Variants in SNCAIP observed in about 807,000 individuals in gnomAD.
SNCAIP encodes synuclein alpha interacting protein.
SNCAIP carries 43 observed loss-of-function variants against 86.7 expected under a neutral mutation model. The ratio of observed to expected loss-of-function variants is 0.50; its 90% CI spans 0.39 to 0.64. The LOEUF (loss-of-function observed/expected upper bound fraction) is 0.64. Among genes scored for constraint, SNCAIP ranks in the 30% least tolerant of loss-of-function variants. The pLI is 0.00. For synonymous variants in SNCAIP, 417 were observed against 427.2 expected, an observed-to-expected ratio of 0.98 and a Z score of 0.29; for missense variants, 981 against 1,103.1, an observed-to-expected ratio of 0.89 and a Z score of 1.57.
At chr5:122,355,812 CTG>C (rs1343326045) in intron 1 of SNCAIP, among the ~76,000 whole-genome samples, 1 of 152,134 alleles carries the variant, frequency 6.6e-6, no homozygotes, top group African/African-American at 2.4e-5. Flanking sequence ...AGTGACAACA[CTG>C]TATCTGTGAA....
intron 1 of SNCAIP, among the ~76,000 whole-genome samples, chr5:122,352,137 C>T (rs983028214): frequency 6.6e-6 from 1 of 152,038 alleles, no homozygotes; most frequent in Non-Finnish European, 1.5e-5. Flanking sequence ...GTTTCTGCTC[C>T]CCTTATCAGA....
intron 1 of SNCAIP, among the ~76,000 whole-genome samples, chr5:122,384,578 C>G (rs903008356): frequency 6.6e-6 from 1 of 152,196 alleles, no homozygotes; most frequent in South Asian, 2.1e-4. Flanking sequence ...TGTCTCCCAG[C>G]ATCTGTGTGA....
At chr5:122,381,281 T>C (rs1766729091) in intron 1 of SNCAIP, among the ~76,000 whole-genome samples, 1 of 145,282 alleles carries the variant, frequency 6.9e-6, no homozygotes, top group African/African-American at 2.6e-5. Context: ...AATTGATCCC[T>C]TTACCATTAT....
intron 1 of SNCAIP, among the ~76,000 whole-genome samples, chr5:122,379,888 G>A (rs1480150513): frequency 6.6e-6 from 1 of 152,042 alleles, no homozygotes; most frequent in African/African-American, 2.4e-5. Context: ...CAGGGATGAA[G>A]CCCACTTGAT....
intron 1 of SNCAIP, among the ~76,000 whole-genome samples, chr5:122,380,024 G>A (rs1352765853): frequency 2.6e-5 from 4 of 151,552 alleles, no homozygotes; most frequent in South Asian, 2.1e-4. Flanking sequence ...GTCTCTGCCC[G>A]GCTTTGGTAT....
chr5:122,438,537 C>T (rs957521582), intron 6 of SNCAIP, among the ~76,000 whole-genome samples: 2 of 152,120 alleles, frequency 1.3e-5, no homozygotes, highest in Admixed American at 1.3e-4. Flanking sequence ...GTATGTATAG[C>T]TCATATTTGT....
rs1266217510 is a variant in SNCAIP, at chr5:122,431,954, T to G, written c.1183-15T>G. ...TACCTTGAATTTCCATCTCCCTTTC[T>G]TTTTTAAAACCTAGAATGGTCAGTT... On this transcript the variant is annotated splice_polypyrimidine_tract_variant and intron_variant, in intron 5 of 10. Transcript: ENST00000261368. 7.4e-7 allele frequency: 1 copy of G among 1,354,286 alleles called. No homozygotes were observed. Among genetic ancestry groups the G allele is most frequent in the Non-Finnish European group, 1.1e-6 (1 of 943,802 alleles). The allele number at this position is 1,354,286 out of a possible 1,614,324, so 83.9% of individuals were successfully genotyped here.
intron 1 of SNCAIP, among the ~76,000 whole-genome samples, chr5:122,347,499 C>T (rs970798491): frequency 6.6e-6 from 1 of 150,836 alleles, no homozygotes; most frequent in Non-Finnish European, 1.5e-5. Flanking sequence ...TTCATGTGGG[C>T]ACATGTGTAC....
chr5:122,324,125 T>C (rs1008697103), intron 1 of SNCAIP, among the ~76,000 whole-genome samples: 4 of 152,108 alleles, frequency 2.6e-5, no homozygotes, highest in Admixed American at 2.6e-4. Flanking sequence ...TTTGATCTAT[T>C]TGAGGCAGGC....
At chr5:122,443,659 G>A (rs1423905203) in intron 7 of SNCAIP, 1 of 456,650 alleles carries the variant, frequency 2.2e-6, no homozygotes, top group African/African-American at 2.0e-5. Flanking sequence ...ATCTCTTCTG[G>A]GCTGCAGTGT....
At chr5:122,427,805 G>A (rs772700981) in intron 5 of SNCAIP, among the ~76,000 whole-genome samples, 1 of 152,138 alleles carries the variant, frequency 6.6e-6, no homozygotes, top group Non-Finnish European at 1.5e-5. Flanking sequence ...CTAACAGGAA[G>A]CAGAGTCAGG....
At chr5:122,442,359 C>A (rs1294424967) in intron 7 of SNCAIP, among the ~76,000 whole-genome samples, 1 of 152,050 alleles carries the variant, frequency 6.6e-6, no homozygotes, top group Admixed American at 6.6e-5. Flanking sequence ...AAACAAAAAG[C>A]AGAGATAATA....
intron 2 of SNCAIP, among the ~76,000 whole-genome samples, chr5:122,395,146 A>C (rs188275537): frequency 6.6e-6 from 1 of 152,288 alleles, no homozygotes; most frequent in Non-Finnish European, 1.5e-5. Context: ...GTAAAATGAA[A>C]CCAGCTAATG....
At chr5:122,382,598 C>T (rs958631810) in intron 1 of SNCAIP, among the ~76,000 whole-genome samples, 6 of 152,140 alleles carry the variant, frequency 3.9e-5, no homozygotes, top group Non-Finnish European at 8.8e-5. Context: ...AACTGCGTTC[C>T]TTTGGAGGAG....
chr5:122,416,172 G>C (rs1324786554), intron 3 of SNCAIP, among the ~76,000 whole-genome samples: 1 of 152,184 alleles, frequency 6.6e-6, no homozygotes, highest in Non-Finnish European at 1.5e-5. Flanking sequence ...GGTGCAAATA[G>C]GGTGCAAAGT....
chr5:122,323,976 A>G (rs950217662), intron 1 of SNCAIP, among the ~76,000 whole-genome samples: 2 of 152,186 alleles, frequency 1.3e-5, no homozygotes, highest in Admixed American at 6.5e-5. Flanking sequence ...GGGAGTAGCT[A>G]CATGTCAGTT....
chr5:122,423,883 C>T, intron 4 of SNCAIP, 144 bp downstream of exon 4: 1 of 691,512 alleles, frequency 1.4e-6, no homozygotes. Flanking sequence ...GAGATGTGAC[C>T]TTTTGAGTTT....
At chr5:122,367,586 G>A (rs757711079) in intron 1 of SNCAIP, among the ~76,000 whole-genome samples, 3 of 152,120 alleles carry the variant, frequency 2.0e-5, no homozygotes, top group Non-Finnish European at 2.9e-5. Context: ...GAGGCTCAGG[G>A]CTGGAGTCAG....
chr5:122,374,031 T>C (rs1340492564), intron 1 of SNCAIP, among the ~76,000 whole-genome samples: 2 of 152,172 alleles, frequency 1.3e-5, no homozygotes, highest in Non-Finnish European at 2.9e-5. Flanking sequence ...ATTGCCCAGT[T>C]GTCTTTGGAA....
Sources: allele counts gnomAD v4.1 joint callset (sites outside exome capture counted in the v4.1 genomes callset), GRCh38; gene constraint gnomAD v4.1.1; transcripts MANE v1.5; gene names NCBI Gene and HGNC (gene_info 2026-07-23, HGNC 2026-07-21).